The following UBR3 variants were observed in gnomAD, a reference collection of about 807,000 sequenced individuals.
UBR3 encodes E3 ubiquitin-protein ligase UBR3.
Under a neutral mutation model 243.2 loss-of-function variants are expected in UBR3, and 85 were observed. The observed-to-expected ratio is 0.35, with a 90% CI of 0.29 to 0.42. UBR3 has a LOEUF of 0.42. UBR3 is among the 10% of genes least tolerant of loss of function. The pLI is 1.00. For synonymous variants in UBR3, 748 were observed against 799.8 expected (o/e 0.94, Z 1.09); for missense variants, 1,686 against 2,300.8 (o/e 0.73, Z 5.47).
intron 29 of UBR3, among the ~76,000 whole-genome samples, chr2:170,011,073 G>A (rs753536527): frequency 1.3e-5 from 2 of 152,120 alleles, no homozygotes; most frequent in African/African-American, 2.4e-5. Context: ...GCTGAGATGG[G>A]AGGATCCCTT....
At chr2:169,867,809 T>C (rs2083308589) in intron 1 of UBR3, among the ~76,000 whole-genome samples, 1 of 152,222 alleles carries the variant, frequency 6.6e-6, no homozygotes, top group Non-Finnish European at 1.5e-5. Context: ...TTAAAGATTG[T>C]AGCCACATTT....
Position 169,897,729 on chromosome 2 carries a change from G to A in UBR3, c.1465+994G>A, listed in dbSNP as rs184414000. Among the ~76,000 whole-genome samples, 5 of 152,174 alleles carry A rather than the reference G, an allele frequency of 3.3e-5. No individual in the cohort carries two copies. In the East Asian group the frequency reaches 9.6e-4, roughly 29 times the overall value. ...GTGCCCAGGCTAGTCTTGAACTCCT[G>A]ACCTCAGGTGATCCCCCTGCCTCAG... On this transcript the variant is annotated intron_variant, in intron 8 of 38. Coordinates refer to ENST00000272793, the MANE Select transcript of UBR3 (RefSeq NM_172070.4).
In UBR3 at chr2:169,949,846, C is replaced by T. The variant is rs2086938617; in HGVS notation, c.3326C>T (p.Pro1109Leu). Residue 1109 changes from proline (P) to leucine (L), a missense_variant, in exon 23 of 39, where the codon CCT becomes CTT. Physicochemically the swap from Pro to Leu is moderately conservative, Grantham distance 98. Coordinates refer to ENST00000272793, the MANE Select transcript of UBR3 (RefSeq NM_172070.4). ...KLSGKQNSYY[P>L]PWLDDIEILI... ...TCAGGAAAACAAAACTCCTACTATC[C>T]TCCTTGGCTTGATGACATAGAAATT... 6.3e-7 allele frequency: 1 copy of T among 1,576,918 alleles called. No individual in the cohort carries two copies. Among genetic ancestry groups the T allele is most frequent in the South Asian group, 1.1e-5 (1 of 87,178 alleles).
chr2:169,831,455 C>T (rs918219294), intron 1 of UBR3, among the ~76,000 whole-genome samples: 1 of 151,878 alleles, frequency 6.6e-6, no homozygotes, highest in Non-Finnish European at 1.5e-5. Context: ...CGGCCGGATA[C>T]ATAATATTTA....
Position 169,862,471 on chromosome 2 carries a change from A to G in UBR3, c.546-9765A>G, listed in dbSNP as rs1187334471. On this transcript the variant is annotated intron_variant, in intron 1 of 38. Transcript: ENST00000272793. ...TGTAGTTTACTTAATTGTATTCATC[A>G]TCATTGTCTATCTCTGTCCTACAGA... is the stretch of plus-strand genomic sequence containing the variant. Among the ~76,000 whole-genome samples the G allele has an allele frequency of 2.6e-5, 4 of 152,274 alleles. No individual in the cohort carries two copies. The South Asian group carries it at 8.3e-4, about 32-fold the overall frequency.
intron 2 of UBR3, among the ~76,000 whole-genome samples, chr2:169,873,694 A>G (rs968723306): frequency 2.0e-5 from 3 of 152,096 alleles, no homozygotes; most frequent in Non-Finnish European, 4.4e-5. Context: ...CGCCCCCCAA[A>G]AAAAAGAACA....
intron 24 of UBR3, among the ~76,000 whole-genome samples, chr2:169,978,811 A>G (rs1217235689): frequency 6.6e-6 from 1 of 152,112 alleles, no homozygotes; most frequent in East Asian, 1.9e-4. Context: ...GCTCCAGGGA[A>G]GCAAGTTACT....
At chr2:170,024,265 A>T (rs1261489983) in intron 30 of UBR3, among the ~76,000 whole-genome samples, 3 of 148,116 alleles carry the variant, frequency 2.0e-5, no homozygotes, top group African/African-American at 7.5e-5. Flanking sequence ...GAGGCAGGAG[A>T]ATTGCTTGAA....
chr2:169,988,289 C>T (rs994833265), intron 25 of UBR3, among the ~76,000 whole-genome samples: 1 of 152,212 alleles, frequency 6.6e-6, no homozygotes, highest in African/African-American at 2.4e-5. Context: ...GTGTCAGGCA[C>T]TGTTCTAGTA....
chr2:169,861,912 G>A lies in UBR3; in HGVS notation c.546-10324G>A, dbSNP rs562682598. Among the ~76,000 whole-genome samples the A allele has an allele frequency of 1.5e-4, 23 of 152,140 alleles. 1 individual carries two copies. The highest frequency in any genetic ancestry group is 5.9e-4 in the Admixed American group (9 of 15,274). ...TATAAGATGTGAGGAAGTTCCTCCCGCCTACCCCCAACTTTGCTGGTTTAC... is the reference window on the plus strand; with the variant it reads ...TATAAGATGTGAGGAAGTTCCTCCCACCTACCCCCAACTTTGCTGGTTTAC... On this transcript the variant is annotated intron_variant, in intron 1 of 38. Coordinates refer to ENST00000272793, the MANE Select transcript of UBR3 (RefSeq NM_172070.4).
Position 170,055,535 on chromosome 2 carries a change from G to A in UBR3, c.4736G>A (p.Cys1579Tyr). ...GCTCTTGCAGCACTCTCAGTTAAATGCAGCGAAGAAGATAGGTCAGCCTGG... is the reference window on the plus strand; with the variant it reads ...GCTCTTGCAGCACTCTCAGTTAAATACAGCGAAGAAGATAGGTCAGCCTGG... Reference protein sequence around the residue: ...TQALAALSVKCSEEDRSAWKH... With the variant: ...TQALAALSVKYSEEDRSAWKH... Residue 1579 changes from cysteine to tyrosine, a missense_variant, in exon 33 of 39, where the codon TGC becomes TAC. By Grantham distance (194) the Cys-to-Tyr change is radical. This residue lies in a region of UBR3 where 371 missense variants were observed against 422.5 expected (regional missense o/e 0.88). Transcript: ENST00000272793. 1 of 1,613,616 alleles carries A rather than the reference G, an allele frequency of 6.2e-7. No homozygotes were observed. The highest frequency in any genetic ancestry group is 1.7e-5 in the Admixed American group (1 of 59,990).
chr2:169,866,256 C>CAA (rs143250064), intron 1 of UBR3, among the ~76,000 whole-genome samples: 1 of 113,326 alleles, frequency 8.8e-6, no homozygotes, highest in Non-Finnish European at 1.8e-5. Flanking sequence ...GACTGTGTCT[C>CAA]AAAAAAAAAA....
intron 8 of UBR3, among the ~76,000 whole-genome samples, chr2:169,898,653 G>A (rs1353386482): frequency 6.9e-6 from 1 of 143,920 alleles, no homozygotes; most frequent in Non-Finnish European, 1.5e-5. Flanking sequence ...TTACATTAAA[G>A]AATATACTTC....
At chr2:169,861,500 G>C (rs1472632561) in intron 1 of UBR3, among the ~76,000 whole-genome samples, 1 of 151,628 alleles carries the variant, frequency 6.6e-6, no homozygotes, top group Non-Finnish European at 1.5e-5. Flanking sequence ...CTGGCTACTC[G>C]GGAGCCTGAG....
chr2:169,896,254 C>T (rs1389146790), intron 7 of UBR3, among the ~76,000 whole-genome samples: 3 of 18,674 alleles, frequency 1.6e-4, no homozygotes, highest in Non-Finnish European at 3.6e-4. Flanking sequence ...TGCCATTGCA[C>T]TCAGGCTTGG....
intron 33 of UBR3, 101 bp downstream of exon 33, chr2:170,055,685 T>G (rs1443824422): frequency 3.5e-6 from 5 of 1,426,536 alleles, no homozygotes; most frequent in Admixed American, 2.5e-5. Flanking sequence ...GAGTTATTGG[T>G]ATTTTAATTG....
At position 169,895,330 on chromosome 2, in the gene UBR3, G is replaced by A. The variant is rs2084539027; in HGVS notation, c.1236+19G>A. On this transcript the variant is annotated intron_variant, in intron 7 of 38. Coordinates refer to ENST00000272793, the MANE Select transcript of UBR3 (RefSeq NM_172070.4). ...GTATAAGGTATCTATATATTTTCCT[G>A]CTTTTCTGAACTTAGCTTTTCTTTC... The A allele has an allele frequency of 2.0e-6, 3 of 1,520,536 alleles. No homozygotes were observed. Among genetic ancestry groups the A allele is most frequent in the African/African-American group, 1.4e-5 (1 of 70,838 alleles). 94.2% of individuals were successfully genotyped at this position (1,520,536 alleles called of 1,614,324 possible).
At chr2:170,019,104 C>T (rs1225149879) in intron 30 of UBR3, among the ~76,000 whole-genome samples, 1 of 152,126 alleles carries the variant, frequency 6.6e-6, no homozygotes, top group East Asian at 1.9e-4. Flanking sequence ...AACTAAGAAA[C>T]CACAGTTCAT....
chr2:169,851,404 C>CAGGCGTGAGCCATCGCAGATTAT (rs1339261918), intron 1 of UBR3, among the ~76,000 whole-genome samples: 5 of 152,256 alleles, frequency 3.3e-5, no homozygotes, highest in South Asian at 4.1e-4. Context: ...ATTGGGATTA[C>CAGGCGTGAGCCATCGCAGATTAT]AGGCGTGAGC....
Sources: gnomAD v4.1 joint callset for allele counts (sites outside exome capture counted in the v4.1 genomes callset) on GRCh38, gnomAD v4.1.1 for gene constraint, gnomAD v4.1.1 regional missense constraint, MANE v1.5 for transcripts, NCBI Gene and HGNC (gene_info 2026-07-23, HGNC 2026-07-21) for gene names.